The following EPS8L2 variants were observed in gnomAD, a reference collection of about 807,000 sequenced individuals.
The protein encoded by EPS8L2 is EPS8 signaling adaptor L2.
A neutral mutation model predicts 99.4 loss-of-function variants in EPS8L2; 81 were observed. The ratio of observed to expected loss-of-function variants is 0.82; its 90% CI spans 0.68 to 0.98. EPS8L2 has a LOEUF of 0.98. EPS8L2 is among the 50% of genes least tolerant of loss of function. The pLI is 0.00. For synonymous variants in EPS8L2, 509 were observed against 407.3 expected, an observed-to-expected ratio of 1.25 and a Z score of -3.01; for missense variants, 1,155 against 968.8, an observed-to-expected ratio of 1.19 and a Z score of -2.55.
In EPS8L2 at chr11:722,083, A is replaced by G. The variant is rs892516656; in HGVS notation, c.985-8A>G. 1.2e-6 allele frequency: 2 copies of G among 1,612,460 alleles called. No individual in the cohort carries two copies. Among genetic ancestry groups the G allele is most frequent in the African/African-American group, 2.7e-5 (2 of 74,902 alleles). On this transcript the variant is annotated splice_region_variant and splice_polypyrimidine_tract_variant and intron_variant, in intron 11 of 20. Coordinates refer to ENST00000318562, the MANE Select transcript of EPS8L2 (RefSeq NM_022772.4). ...CCCCGGCACCTGCTCACTTGTTCCC[A>G]CCCCCAGGCAAAGCTGCAGAAGCAC...
chr11:706,510 C>G (rs11246278), intron 1 of EPS8L2: 28,908 of 152,442 alleles, frequency 0.19, 3,093 homozygotes, highest in African/African-American at 0.28. Flanking sequence ...GGCCTGCCCC[C>G]GTCGGTCCTG....
chr11:727,222 T>TGGTG lies in EPS8L2; in HGVS notation c.*241_*242insGGTG. The TGGTG allele has an allele frequency of 2.7e-6, 1 of 372,650 alleles. No individual in the cohort carries two copies. The allele number at this position is 372,650 out of a possible 1,614,324, so 23.1% of individuals were successfully genotyped here. A position where few individuals can be genotyped will look rare whatever the true frequency, so the allele number is the denominator to read the frequency against. On this transcript the variant is annotated 3_prime_UTR_variant, in exon 21 of 21. Transcript: ENST00000318562. ...GCTGCTTGGTGGTGCCAGCCCCTTG[T>TGGTG]CCACCTTCTCTTGAGGCCACAGAAC...
chr11:706,305 C>CG lies in EPS8L2; in HGVS notation c.-79+22dup, dbSNP rs1861710071. ...CGGAGGCAGGTGAGCGCTGCGGACA[C>CG]GGGGGAGCGCGCCCGCCCGGGCCTC... On this transcript the variant is annotated intron_variant, in intron 1 of 20. Coordinates refer to ENST00000318562, the MANE Select transcript of EPS8L2 (RefSeq NM_022772.4). The CG allele has an allele frequency of 1.3e-5, 2 of 152,094 alleles. No individual in the cohort carries two copies. Among genetic ancestry groups the CG allele is most frequent in the Admixed American group, 1.3e-4 (2 of 15,270 alleles). The allele number at this position is 152,094 out of a possible 1,614,324, so 9.4% of individuals were successfully genotyped here.
chr11:721,526 G>T (rs1235600898), intron 9 of EPS8L2, 39 bp from the exon 10 acceptor site: 11 of 1,524,690 alleles, frequency 7.2e-6, no homozygotes. Flanking sequence ...GGGCGGTGGG[G>T]AGTGTCAGGG....
At chr11:709,871 C>T in intron 3 of EPS8L2, 1 of 564,962 alleles carries the variant, frequency 1.8e-6, no homozygotes, top group Admixed American at 3.1e-5. Flanking sequence ...ATTGCTGTAA[C>T]CTGATCACAG....
chr11:713,404 C>T (rs897477699), intron 4 of EPS8L2, among the ~76,000 whole-genome samples: 9 of 152,306 alleles, frequency 5.9e-5, no homozygotes, highest in East Asian at 1.9e-4. Context: ...GTGTTTGAGA[C>T]GGAGTCTCGC....
At chr11:725,975 A>G in intron 17 of EPS8L2, 123 bp from the exon 18 acceptor site, 1 of 1,331,966 alleles carries the variant, frequency 7.5e-7, no homozygotes, top group South Asian at 1.5e-5. Context: ...CTCCCTGGGC[A>G]GAAGGAAAGG....
rs766514830 is a variant in EPS8L2 at position 721,610 on chromosome 11, C to G, written c.814C>G (p.Arg272Gly). The G allele has an allele frequency of 6.4e-6, 10 of 1,573,828 alleles. No homozygotes were observed. The Admixed American group carries it at 2.1e-4, about 33-fold the overall frequency. ...ALDDIEWFVA[R>G]LQKAAEAFKQ... Reference sequence around the variant, plus strand: ...GGACGACATCGAGTGGTTTGTGGCCCGGCTGCAGAAGGCAGCCGAGGCTTT... The same window carrying G: ...GGACGACATCGAGTGGTTTGTGGCCGGGCTGCAGAAGGCAGCCGAGGCTTT... Residue 272 changes from arginine (R) to glycine (G), a missense_variant, in exon 10 of 21, where the codon CGG (arginine) becomes GGG (glycine). Arg to Gly is a moderately radical substitution (Grantham distance 125, BLOSUM62 -2). Transcript: ENST00000318562.
At chr11:717,521 A>G (rs1862051651) in intron 4 of EPS8L2, among the ~76,000 whole-genome samples, 1 of 152,192 alleles carries the variant, frequency 6.6e-6, no homozygotes, top group South Asian at 2.1e-4. Flanking sequence ...TCCTTTCTCC[A>G]CATCCTAACC....
rs969566910 is a variant in EPS8L2 at position 726,484 on chromosome 11, G to C, written c.1934G>C (p.Arg645Pro). ...AWLEAKAFSP[R>P]IVENLGILTG... is the part of the protein sequence containing the mutation. ...CTGGAAGCCAAGGCCTTCAGCCCGC[G>C]GTGAGCGGGGGCGGGGGATGAGCTG... The change falls in exon 19 of 21, where the codon CGG becomes CCG. Residue 645 changes from arginine to proline, a missense_variant and splice_region_variant. Arg to Pro is a moderately radical substitution (Grantham distance 103). Coordinates refer to ENST00000318562, the MANE Select transcript of EPS8L2 (RefSeq NM_022772.4). 6.4e-7 allele frequency: 1 copy of C among 1,551,080 alleles called. No homozygotes were observed. Among genetic ancestry groups the C allele is most frequent in the Non-Finnish European group, 8.7e-7 (1 of 1,148,422 alleles).
chr11:719,799 G>T (rs1254056049), intron 4 of EPS8L2, among the ~76,000 whole-genome samples: 1 of 152,200 alleles, frequency 6.6e-6, no homozygotes, highest in Non-Finnish European at 1.5e-5. Context: ...GCACCAGGAG[G>T]TGGGCGGGTG....
chr11:727,362 G>A lies in EPS8L2; in HGVS notation c.*381G>A, dbSNP rs1295969211. ...TACATCCATCCACACCCCAGGGTGA[G>A]CTGGAGCTCCAGGCTGGCCAGGCTG... is the stretch of plus-strand genomic sequence containing the variant. On this transcript the variant is annotated 3_prime_UTR_variant, in exon 21 of 21. Coordinates refer to ENST00000318562, the MANE Select transcript of EPS8L2 (RefSeq NM_022772.4). 2 of 167,934 alleles carry A rather than the reference G, an allele frequency of 1.2e-5. No individual in the cohort carries two copies. The highest frequency in any genetic ancestry group is 1.2e-4 in the Admixed American group (2 of 16,316). The allele number at this position is 167,934 out of a possible 1,614,324, so 10.4% of individuals were successfully genotyped here. A position where few individuals can be genotyped will look rare whatever the true frequency, so the allele number is the denominator to read the frequency against.
chr11:709,202 C>T (rs376012942), intron 1 of EPS8L2, 128 bp from the exon 2 acceptor site: 17 of 507,572 alleles, frequency 3.3e-5, no homozygotes, highest in Non-Finnish European at 3.9e-5. Context: ...ACTGGGATGT[C>T]GGGCAGGGGC....
Position 721,176 on chromosome 11 carries a change from G to T in EPS8L2, c.670G>T (p.Val224Leu), listed in dbSNP as rs1204653238. Residue 224 changes from valine to leucine, a missense_variant, in exon 8 of 21, where the codon GTG (valine) becomes TTG (leucine). Transcript: ENST00000318562. ...GGDSPEAKNR[V>L]GPQVPLSEPG... Reference sequence around the variant, plus strand: ...GGATTCCCCGGAGGCCAAGAATCGCGTGGGCCCGCAGGTGCCACTCAGCGA... The same window carrying T: ...GGATTCCCCGGAGGCCAAGAATCGCTTGGGCCCGCAGGTGCCACTCAGCGA... 1.3e-6 allele frequency: 2 copies of T among 1,534,490 alleles called. No homozygotes were observed. Among genetic ancestry groups the T allele is most frequent in the Admixed American group, 2.0e-5 (1 of 50,202 alleles).
intron 14 of EPS8L2, 71 bp from the exon 15 acceptor site, chr11:723,170 G>A (rs1862235678): frequency 1.3e-6 from 1 of 761,364 alleles, no homozygotes; most frequent in African/African-American, 1.8e-5. Flanking sequence ...CCCAGCCCCT[G>A]TCATATGCCC....
At chr11:717,940 C>T (rs1266372113) in intron 4 of EPS8L2, among the ~76,000 whole-genome samples, 4 of 151,762 alleles carry the variant, frequency 2.6e-5, no homozygotes, top group African/African-American at 9.7e-5. Flanking sequence ...ACCTGGGAGG[C>T]GGAGATTGCA....
At chr11:711,721 C>T (rs369598765) in intron 4 of EPS8L2, among the ~76,000 whole-genome samples, 6 of 142,880 alleles carry the variant, frequency 4.2e-5, no homozygotes, top group African/African-American at 1.5e-4. Context: ...CGGTGGCTCA[C>T]GCCTGTAATC....
intron 1 of EPS8L2, among the ~76,000 whole-genome samples, chr11:708,373 G>C (rs1415707419): frequency 6.6e-6 from 1 of 152,198 alleles, no homozygotes; most frequent in Non-Finnish European, 1.5e-5. Context: ...TGCCCTGGCG[G>C]CTGGGCCTTA....
At position 721,627 on chromosome 11, in the gene EPS8L2, C is replaced by A; in HGVS notation, c.831C>A (p.Ala277=). The change falls in exon 10 of 21, where the codon GCC becomes GCA. Residue 277 remains alanine, a synonymous_variant. Transcript: ENST00000318562. Reference sequence around the variant, plus strand: ...TTGTGGCCCGGCTGCAGAAGGCAGCCGAGGCTTTCAAGCAGCTGAACCAGC... The same window carrying A: ...TTGTGGCCCGGCTGCAGAAGGCAGCAGAGGCTTTCAAGCAGCTGAACCAGC... The part of the protein sequence containing the change: ...EWFVARLQKA[A]EAFKQLNQRK... 6.4e-7 allele frequency: 1 copy of A among 1,574,746 alleles called. No homozygotes were observed. Among genetic ancestry groups the A allele is most frequent in the Non-Finnish European group, 8.6e-7 (1 of 1,165,602 alleles).
Sources: gnomAD v4.1 joint callset for allele counts (sites outside exome capture counted in the v4.1 genomes callset) on GRCh38, gnomAD v4.1.1 for gene constraint, MANE v1.5 for transcripts, NCBI Gene and HGNC (gene_info 2026-07-23, HGNC 2026-07-21) for gene names.